The following IPMK variants were observed in gnomAD, a reference collection of about 807,000 sequenced individuals.
The protein encoded by IPMK is inositol 1,3,4,6-tetrakisphosphate 5-kinase.
Under a neutral mutation model 45.8 loss-of-function variants are expected in IPMK, and 17 were observed. The ratio of observed to expected loss-of-function variants is 0.37; its 90% confidence interval spans 0.25 to 0.56. IPMK has a LOEUF of 0.56. IPMK is among the 20% of genes least tolerant of loss of function. The pLI is 0.79. For missense variants in IPMK, 399 were observed against 498.0 expected, an observed-to-expected ratio of 0.80 and a Z score of 1.89; for synonymous variants, 180 against 184.3, an observed-to-expected ratio of 0.98 and a Z score of 0.19.
chr10:58,251,755 G>GT (rs1838883840), intron 1 of IPMK, among the ~76,000 whole-genome samples: 2 of 152,146 alleles, frequency 1.3e-5, no homozygotes, highest in African/African-American at 4.8e-5. Context: ...TTTGTCCTCT[G>GT]TAACACTGTT....
At chr10:58,215,997 C>T (rs1838239429) in intron 4 of IPMK, 148 bp downstream of exon 4, 1 of 529,122 alleles carries the variant, frequency 1.9e-6, no homozygotes, top group Non-Finnish European at 3.0e-6. Context: ...TTAATCCTTG[C>T]CCTCACTTTT....
At chr10:58,239,814 G>T (rs2068737) in intron 1 of IPMK, among the ~76,000 whole-genome samples, 51,303 of 151,726 alleles carry the variant, frequency 0.34, 10,902 homozygotes, top group African/African-American at 0.61. Flanking sequence ...AAAAAAGGAG[G>T]CACCTTGGAA....
At chr10:58,212,740 A>T in intron 4 of IPMK, 1 of 230,688 alleles carries the variant, frequency 4.3e-6, no homozygotes, top group Non-Finnish European at 9.4e-6. Flanking sequence ...TTTGCCTTTG[A>T]TTGTTTTCAT....
At chr10:58,217,462 G>A (rs1838261677) in intron 3 of IPMK, among the ~76,000 whole-genome samples, 1 of 151,570 alleles carries the variant, frequency 6.6e-6, no homozygotes, top group African/African-American at 2.4e-5. Flanking sequence ...GCCGAGGCAG[G>A]TGGATCACCT....
intron 3 of IPMK, among the ~76,000 whole-genome samples, chr10:58,218,658 G>A (rs180882128): frequency 2.6e-5 from 4 of 152,280 alleles, no homozygotes; most frequent in Admixed American, 1.3e-4. Flanking sequence ...GTGAGAGAAC[G>A]TAGCTAAATG....
At chr10:58,267,240 C>T (rs1333376751) in intron 1 of IPMK, among the ~76,000 whole-genome samples, 182 bp downstream of exon 1, 2 of 152,208 alleles carry the variant, frequency 1.3e-5, no homozygotes, top group South Asian at 2.1e-4. Context: ...AGGAATTGTC[C>T]CACTTTCCGA....
At position 58,194,137 on chromosome 10, in the gene IPMK, T is replaced by G. The variant is rs1431893446; in HGVS notation, c.*1939A>C. ...ATTGAGCTAAAATGTGCAAAAAATC[T>G]GACAATACTTAAGTTTATTAAATTC... On this transcript the variant is annotated 3_prime_UTR_variant, in exon 6 of 6. Coordinates refer to ENST00000373935, the MANE Select transcript of IPMK (RefSeq NM_152230.5). 1 of 151,810 alleles carries G rather than the reference T, an allele frequency of 6.6e-6. No individual in the cohort carries two copies. Among genetic ancestry groups the G allele is most frequent in the Non-Finnish European group, 1.5e-5 (1 of 67,722 alleles). 9.4% of individuals were successfully genotyped at this position (151,810 alleles called of 1,614,324 possible). A position where few individuals can be genotyped will look rare whatever the true frequency, so the allele number is the denominator to read the frequency against.
chr10:58,257,183 T>G (rs938463585), intron 1 of IPMK, among the ~76,000 whole-genome samples: 31 of 152,222 alleles, frequency 2.0e-4, no homozygotes, highest in African/African-American at 7.0e-4. Context: ...AGATTCTGTT[T>G]AATTTCAATT....
At chr10:58,199,355 A>G (rs924240541) in intron 4 of IPMK, 34 bp from the exon 5 acceptor site, 6 of 1,448,530 alleles carry the variant, frequency 4.1e-6, no homozygotes, top group African/African-American at 1.4e-5. Context: ...TAAAAAGCTA[A>G]TACTCCTTGA....
intron 2 of IPMK, among the ~76,000 whole-genome samples, chr10:58,228,839 A>G (rs184531324): frequency 4.6e-5 from 7 of 152,338 alleles, no homozygotes; most frequent in Non-Finnish European, 8.8e-5. Context: ...AAAATATAAC[A>G]AATATTTTCT....
At chr10:58,238,820 A>T (rs969282055) in intron 1 of IPMK, among the ~76,000 whole-genome samples, 1 of 152,152 alleles carries the variant, frequency 6.6e-6, no homozygotes, top group African/African-American at 2.4e-5. Flanking sequence ...GAAAGTCTCA[A>T]GAGATACAGA....
intron 3 of IPMK, among the ~76,000 whole-genome samples, chr10:58,221,682 C>G (rs929114393): frequency 2.0e-5 from 3 of 152,144 alleles, no homozygotes; most frequent in African/African-American, 7.2e-5. Context: ...CTGCAGCCTC[C>G]TGAGTAGCTG....
intron 2 of IPMK, among the ~76,000 whole-genome samples, chr10:58,235,781 G>GAA (rs1838602124): frequency 6.6e-6 from 1 of 151,956 alleles, no homozygotes; most frequent in Non-Finnish European, 1.5e-5. Flanking sequence ...TGCACGTTGT[G>GAA]CACATGTATC....
At position 58,267,477 on chromosome 10, in the gene IPMK, G is replaced by A. The variant is rs754238607; in HGVS notation, c.135C>T (p.Gly45=). 4 of 1,613,856 alleles carry A rather than the reference G, an allele frequency of 2.5e-6. No homozygotes were observed. The Admixed American group carries it at 5.0e-5, about 20-fold the overall frequency. ...CCACCTGATGCGAGAGGGGCACGCA[G>A]CCGTTGAGGAAGCGGAGTCTGCCGC... The part of the protein sequence containing the change: ...PAGGRLRFLN[G]CVPLSHQVAG... Residue 45 remains glycine, a synonymous_variant, in exon 1 of 6, where the codon GGC becomes GGT. Transcript: ENST00000373935.
chr10:58,228,057 A>C (rs531867841), intron 2 of IPMK, among the ~76,000 whole-genome samples: 1 of 152,354 alleles, frequency 6.6e-6, no homozygotes, highest in Admixed American at 6.5e-5. Context: ...CAAGTGGTAC[A>C]TTGTATTTCC....
chr10:58,228,444 CTT>C (rs767873091), intron 2 of IPMK, among the ~76,000 whole-genome samples: 2 of 152,210 alleles, frequency 1.3e-5, no homozygotes, highest in African/African-American at 2.4e-5. Context: ...TAAATTTTCT[CTT>C]CTTATTTAGA....
chr10:58,238,475 C>A (rs1838647744), intron 1 of IPMK, among the ~76,000 whole-genome samples: 1 of 152,182 alleles, frequency 6.6e-6, no homozygotes, highest in African/African-American at 2.4e-5. Context: ...ACTGGTCCTA[C>A]CCCTATGCCA....
At chr10:58,201,152 T>A (rs1035653733) in intron 4 of IPMK, among the ~76,000 whole-genome samples, 7 of 152,178 alleles carry the variant, frequency 4.6e-5, no homozygotes, top group Non-Finnish European at 5.9e-5. Context: ...TGGAAGGGTA[T>A]ATAGAGAAAA....
intron 1 of IPMK, among the ~76,000 whole-genome samples, chr10:58,260,260 GA>G (rs1312678129): frequency 6.6e-6 from 1 of 152,148 alleles, no homozygotes. Context: ...CCATGGTTAT[GA>G]AAGATACAGA....
Sources: gnomAD v4.1 joint callset for allele counts (sites outside exome capture counted in the v4.1 genomes callset) on GRCh38, gnomAD v4.1.1 for gene constraint, MANE v1.5 for transcripts, NCBI Gene and HGNC (gene_info 2026-07-23, HGNC 2026-07-21) for gene names.